GDAP1: variants seen among roughly 807,000 people sequenced by gnomAD.
The protein encoded by GDAP1 is ganglioside-induced differentiation-associated protein 1.
A neutral mutation model predicts 40.1 loss-of-function variants in GDAP1; 34 were observed. That is an observed-to-expected ratio of 0.85 (90% CI 0.64 to 1.13). The LOEUF (loss-of-function observed/expected upper bound fraction) is 1.13. Ranked by LOEUF, GDAP1 falls within the 50% of genes most tolerant of loss-of-function variation. GDAP1 has a pLI of 0.00. For missense variants in GDAP1, 374 were observed against 433.7 expected, an observed-to-expected ratio of 0.86 and a Z score of 1.22; for synonymous variants, 170 against 157.4, an observed-to-expected ratio of 1.08 and a Z score of -0.60.
chr8:74,372,779 C>A (rs1809777701), intron 2 of GDAP1, among the ~76,000 whole-genome samples: 1 of 152,162 alleles, frequency 6.6e-6, no homozygotes, highest in East Asian at 1.9e-4. Context: ...AATTAGATTC[C>A]ATTTGTCAAT....
chr8:74,403,897 A>T (rs1805599812), intron 2 of GDAP1, among the ~76,000 whole-genome samples: 1 of 149,428 alleles, frequency 6.7e-6, no homozygotes, highest in African/African-American at 2.5e-5. Flanking sequence ...TATATCTGCA[A>T]AGTTTTGTCT....
chr8:74,459,541 C>T (rs938216902), intron 2 of GDAP1, among the ~76,000 whole-genome samples: 2 of 152,014 alleles, frequency 1.3e-5, no homozygotes, highest in South Asian at 2.1e-4. Flanking sequence ...ATTTGTGAAA[C>T]GCTAATGCAA....
intron 2 of GDAP1, among the ~76,000 whole-genome samples, chr8:74,354,090 C>T (rs2131501227): frequency 6.6e-6 from 1 of 152,244 alleles, no homozygotes; most frequent in South Asian, 2.1e-4. Flanking sequence ...GATTGTAACG[C>T]ACATTTGCAG....
chr8:74,436,782 C>T (rs920724760), intron 2 of GDAP1, among the ~76,000 whole-genome samples: 8 of 151,984 alleles, frequency 5.3e-5, no homozygotes, highest in African/African-American at 1.9e-4. Flanking sequence ...GTCTTTTTCC[C>T]GGCCCTTTAC....
intron 2 of GDAP1, among the ~76,000 whole-genome samples, chr8:74,443,387 A>G (rs1396132543): frequency 6.6e-6 from 1 of 152,210 alleles, no homozygotes; most frequent in Non-Finnish European, 1.5e-5. Context: ...TCTTTAAAAG[A>G]TGATGGTGAT....
intron 2 of GDAP1, among the ~76,000 whole-genome samples, chr8:74,447,108 CTATTT>C (rs1806239072): frequency 1.3e-5 from 2 of 152,178 alleles, no homozygotes; most frequent in East Asian, 1.9e-4. Context: ...AAAAAACACT[CTATTT>C]TATAGGTGAA....
intron 2 of GDAP1, among the ~76,000 whole-genome samples, chr8:74,395,322 A>C (rs1057295666): frequency 5.9e-5 from 9 of 152,204 alleles, no homozygotes; most frequent in African/African-American, 1.9e-4. Context: ...TATCTGACTT[A>C]CATGTAAAGG....
At chr8:74,425,073 G>T (rs1805930439) in intron 2 of GDAP1, among the ~76,000 whole-genome samples, 1 of 152,148 alleles carries the variant, frequency 6.6e-6, no homozygotes, top group African/African-American at 2.4e-5. Flanking sequence ...TCATCAGCAG[G>T]TCAAATAGGC....
rs1377326343 is a variant in GDAP1, at chr8:74,365,673, G to A, written c.*1306G>A. On this transcript the variant is annotated 3_prime_UTR_variant, in exon 6 of 6. Transcript: ENST00000220822. The stretch of plus-strand genomic sequence containing the variant: ...ATCATTAATAGGAAAGTCATACCTA[G>A]GAAACAATGACTTTTTGATGGCAAA... The A allele has an allele frequency of 2.2e-6, 1 of 454,296 alleles. No individual in the cohort carries two copies. Among genetic ancestry groups the A allele is most frequent in the Non-Finnish European group, 4.4e-6 (1 of 226,768 alleles). 28.1% of individuals were successfully genotyped at this position (454,296 alleles called of 1,614,324 possible).
intron 2 of GDAP1, among the ~76,000 whole-genome samples, chr8:74,427,687 G>T (rs1437714611): frequency 6.6e-6 from 1 of 152,060 alleles, no homozygotes; most frequent in African/African-American, 2.4e-5. Context: ...GCTAAGAAAT[G>T]AGATAAAAAT....
intron 2 of GDAP1, among the ~76,000 whole-genome samples, chr8:74,381,060 G>A (rs1345610234): frequency 2.1e-5 from 3 of 145,742 alleles, no homozygotes; most frequent in Non-Finnish European, 4.5e-5. Context: ...ATGAAGAAAT[G>A]TGGGGGTGAG....
chr8:74,463,205 A>T (rs1806423574), intron 2 of GDAP1, among the ~76,000 whole-genome samples: 1 of 143,790 alleles, frequency 7.0e-6, no homozygotes, highest in Non-Finnish European at 1.5e-5. Flanking sequence ...TAATCCCAGC[A>T]CTTTGGGAGG....
chr8:74,422,535 C>CCTTCCTTCCTTG (rs1805891577), intron 2 of GDAP1, among the ~76,000 whole-genome samples: 1 of 130,828 alleles, frequency 7.6e-6, no homozygotes, highest in Non-Finnish European at 1.6e-5. Context: ...TTCCTTCCTT[C>CCTTCCTTCCTTG]TTTCTTTCTC....
At chr8:74,443,735 C>T (rs932514416) in intron 2 of GDAP1, among the ~76,000 whole-genome samples, 18 of 152,202 alleles carry the variant, frequency 1.2e-4, no homozygotes, top group Non-Finnish European at 1.5e-5. Flanking sequence ...CGTGAGTGAC[C>T]ACACCTGCAG....
At chr8:74,453,926 A>T (rs1806309471) in intron 2 of GDAP1, among the ~76,000 whole-genome samples, 1 of 46,306 alleles carries the variant, frequency 2.2e-5, no homozygotes, top group East Asian at 6.8e-4. Flanking sequence ...TTTATTATCT[A>T]CTATTCTGAA....
intron 2 of GDAP1, among the ~76,000 whole-genome samples, chr8:74,423,282 A>G (rs1805903205): frequency 6.8e-6 from 1 of 147,072 alleles, no homozygotes; most frequent in African/African-American, 2.5e-5. Context: ...ACTATATATA[A>G]TATGATATGT....
intron 2 of GDAP1, among the ~76,000 whole-genome samples, chr8:74,400,992 C>CATTT (rs1392756823): frequency 2.0e-5 from 3 of 149,632 alleles, no homozygotes; most frequent in African/African-American, 7.7e-5. Flanking sequence ...AACATTTTTT[C>CATTT]CTTCATTTCA....
intron 2 of GDAP1, among the ~76,000 whole-genome samples, chr8:74,409,419 T>A (rs1185278170): frequency 6.7e-6 from 1 of 149,888 alleles, no homozygotes; most frequent in African/African-American, 2.6e-5. Flanking sequence ...TGGTGCGATC[T>A]TGGCTCACTG....
intron 2 of GDAP1, among the ~76,000 whole-genome samples, chr8:74,477,383 G>C (rs948617989): frequency 2.6e-5 from 4 of 152,082 alleles, no homozygotes; most frequent in Non-Finnish European, 5.9e-5. Flanking sequence ...TTTTTGAGTT[G>C]TCAGAGTTCT....
Sources: allele counts gnomAD v4.1 joint callset (sites outside exome capture counted in the v4.1 genomes callset), GRCh38; gene constraint gnomAD v4.1.1; transcripts MANE v1.5; gene names NCBI Gene and HGNC (gene_info 2026-07-23, HGNC 2026-07-21).